Variants in THRB observed in about 807,000 individuals in gnomAD.
THRB encodes nuclear receptor subfamily 1 group A member 2.
A neutral mutation model predicts 47.8 loss-of-function variants in THRB; 12 were observed. The ratio of observed to expected loss-of-function variants is 0.25; its 90% CI spans 0.16 to 0.41. The LOEUF (loss-of-function observed/expected upper bound fraction) is 0.41. Ranked by LOEUF, THRB falls within the 10% of genes least tolerant of loss-of-function variation. The probability of loss-of-function intolerance (pLI) is 1.00; values close to 1 mark genes in which losing one functional copy is unlikely to be tolerated. For missense variants in THRB, 348 were observed against 589.2 expected (o/e 0.59, Z 4.24); for synonymous variants, 218 against 212.2 (o/e 1.03, Z -0.24).
intron 1 of THRB, among the ~76,000 whole-genome samples, chr3:24,412,300 T>C (rs1056968136): frequency 6.6e-6 from 1 of 151,792 alleles, no homozygotes; most frequent in African/African-American, 2.4e-5. Flanking sequence ...TTTTAGTCTC[T>C]CATATTGGCC....
intron 1 of THRB, among the ~76,000 whole-genome samples, chr3:24,436,553 T>TTG (rs1304789455): frequency 6.6e-6 from 1 of 152,138 alleles, no homozygotes; most frequent in Non-Finnish European, 1.5e-5. Context: ...AATGGGAAGT[T>TTG]TAACAAGAGC....
At chr3:24,124,891 G>A (rs1348532293) in intron 10 of THRB, among the ~76,000 whole-genome samples, 1 of 152,178 alleles carries the variant, frequency 6.6e-6, no homozygotes, top group Admixed American at 6.5e-5. Context: ...TCTGGTCCTG[G>A]CAGTATTAAT....
intron 1 of THRB, among the ~76,000 whole-genome samples, chr3:24,481,821 G>GAAAAAAAA: frequency 6.9e-6 from 1 of 144,340 alleles, no homozygotes. Context: ...AGGGACAAAA[G>GAAAAAAAA]TTTGAATATG....
intron 9 of THRB, among the ~76,000 whole-genome samples, chr3:24,132,271 G>T (rs977911836): frequency 6.6e-6 from 1 of 152,170 alleles, no homozygotes; most frequent in African/African-American, 2.4e-5. Flanking sequence ...GGGTCCTCTT[G>T]AAGGTATACA....
At chr3:24,470,026 G>T (rs887598168) in intron 1 of THRB, among the ~76,000 whole-genome samples, 2 of 152,110 alleles carry the variant, frequency 1.3e-5, no homozygotes, top group African/African-American at 4.8e-5. Flanking sequence ...TTCTTCTAGA[G>T]GGTCATTTAG....
intron 5 of THRB, among the ~76,000 whole-genome samples, chr3:24,187,254 T>C (rs1023353463): frequency 3.3e-5 from 5 of 152,208 alleles, no homozygotes; most frequent in South Asian, 2.1e-4. Flanking sequence ...CAAACTGCTA[T>C]AAAAGTTCCT....
At chr3:24,443,269 G>A (rs953354694) in intron 1 of THRB, among the ~76,000 whole-genome samples, 1 of 152,088 alleles carries the variant, frequency 6.6e-6, no homozygotes, top group Admixed American at 6.5e-5. Flanking sequence ...ACACTGAATA[G>A]ATGAATTGAT....
chr3:24,479,375 C>T (rs992662662), intron 1 of THRB, among the ~76,000 whole-genome samples: 3 of 152,168 alleles, frequency 2.0e-5, no homozygotes, highest in African/African-American at 7.2e-5. Flanking sequence ...CCCTCCGACC[C>T]CAACAAATTA....
intron 3 of THRB, among the ~76,000 whole-genome samples, chr3:24,229,261 G>T (rs901222374): frequency 6.6e-6 from 1 of 152,128 alleles, no homozygotes; most frequent in Non-Finnish European, 1.5e-5. Flanking sequence ...TTCCATCTCA[G>T]ATTTTTAAGA....
chr3:24,386,985 A>G (rs62255405), intron 1 of THRB, among the ~76,000 whole-genome samples: 1,748 of 152,212 alleles, frequency 0.011, 11 homozygotes, highest in Non-Finnish European at 0.018. Flanking sequence ...AGTCATCATC[A>G]TTATTATCCA....
chr3:24,386,114 G>A lies in THRB; in HGVS notation c.-260-48743C>T, dbSNP rs144640342. 1.4e-3 allele frequency among the ~76,000 whole-genome samples: 217 copies of A among 152,222 alleles called. 2 individuals carry two copies. In the Middle Eastern group the frequency reaches 0.037, roughly 26 times the overall value. Reference sequence around the variant, plus strand: ...AAACTTCCAAGGAGGAGGTTCCAGAGTCTCTTCTAGACAGAGCCTCCTGAG... The same window carrying A: ...AAACTTCCAAGGAGGAGGTTCCAGAATCTCTTCTAGACAGAGCCTCCTGAG... On this transcript the variant is annotated intron_variant, in intron 1 of 10. Coordinates refer to ENST00000646209, the MANE Select transcript of THRB (RefSeq NM_001354712.2).
At chr3:24,249,588 C>G (rs557006313) in intron 3 of THRB, among the ~76,000 whole-genome samples, 5 of 152,174 alleles carry the variant, frequency 3.3e-5, no homozygotes, top group Non-Finnish European at 7.3e-5. Context: ...GCCACAGACT[C>G]CCATCTCTGG....
At chr3:24,294,177 T>G (rs2056236744) in intron 3 of THRB, among the ~76,000 whole-genome samples, 1 of 152,192 alleles carries the variant, frequency 6.6e-6, no homozygotes, top group African/African-American at 2.4e-5. Context: ...CAGACCATCC[T>G]GAGGCAGCCA....
intron 4 of THRB, among the ~76,000 whole-genome samples, chr3:24,213,640 T>C (rs2046283319): frequency 6.6e-6 from 1 of 152,186 alleles, no homozygotes; most frequent in African/African-American, 2.4e-5. Flanking sequence ...GGAGCTTTAG[T>C]CATAGACTTT....
chr3:24,342,959 C>A (rs566860189), intron 1 of THRB, among the ~76,000 whole-genome samples: 3 of 152,092 alleles, frequency 2.0e-5, no homozygotes, highest in Non-Finnish European at 4.4e-5. Context: ...GATGAGGCTG[C>A]AAAGGCAGAA....
intron 1 of THRB, among the ~76,000 whole-genome samples, chr3:24,489,829 A>AC (rs1184861309): frequency 2.7e-5 from 4 of 149,136 alleles, no homozygotes; most frequent in Non-Finnish European, 5.9e-5. Flanking sequence ...ACTCCCCCCC[A>AC]CTTGTTTAAA....
intron 1 of THRB, among the ~76,000 whole-genome samples, chr3:24,471,754 T>C (rs1000100592): frequency 6.6e-6 from 1 of 152,204 alleles, no homozygotes; most frequent in Non-Finnish European, 1.5e-5. Flanking sequence ...CATATGGTTG[T>C]TCAACTTGTG....
intron 1 of THRB, among the ~76,000 whole-genome samples, chr3:24,409,409 G>T (rs970821827): frequency 6.6e-6 from 1 of 151,726 alleles, no homozygotes; most frequent in South Asian, 2.1e-4. Flanking sequence ...ATGACTTCTG[G>T]GAGGCAATAT....
At chr3:24,454,314 A>G (rs901919841) in intron 1 of THRB, among the ~76,000 whole-genome samples, 11 of 152,240 alleles carry the variant, frequency 7.2e-5, no homozygotes, top group African/African-American at 2.7e-4. Flanking sequence ...AGGAAAATTC[A>G]TAATTCATAC....
Sources: gnomAD v4.1 joint callset for allele counts (sites outside exome capture counted in the v4.1 genomes callset) on GRCh38, gnomAD v4.1.1 for gene constraint, MANE v1.5 for transcripts, NCBI Gene and HGNC (gene_info 2026-07-23, HGNC 2026-07-21) for gene names.